Variants in TAF3 observed in about 807,000 individuals in gnomAD.
The protein encoded by TAF3 is TATA-box binding protein associated factor 3, also known as transcription initiation factor TFIID subunit 3.
A neutral mutation model predicts 80.6 loss-of-function variants in TAF3; 7 were observed. The ratio of observed to expected loss-of-function variants is 0.09; its 90% CI spans 0.05 to 0.16. The LOEUF is 0.16. TAF3 is among the 10% of genes least tolerant of loss of function. TAF3 has a pLI of 1.00. For missense variants in TAF3, 921 were observed against 1,140.2 expected (o/e 0.81, Z 2.77); for synonymous variants, 444 against 446.1 (o/e 1.00, Z 0.06).
chr10:7,954,862 T>C lies in TAF3; in HGVS notation c.410-9058T>C, dbSNP rs545214402. ...ATAGTGAGATTCAGAGTGCACTCCA[T>C]AGGTGAATGAGTGAATTAGTTCTAG... On this transcript the variant is annotated intron_variant, in intron 2 of 6. Coordinates refer to ENST00000344293, the MANE Select transcript of TAF3 (RefSeq NM_031923.4). Among the ~76,000 whole-genome samples the C allele has an allele frequency of 5.6e-5, 8 of 142,102 alleles. 1 individual carries two copies. In the South Asian group the frequency reaches 2.0e-3, roughly 35 times the overall value. The allele number at this position is 142,102 out of a possible 152,430, so 93.2% of individuals were successfully genotyped here.
chr10:7,916,548 A>G (rs997784010), intron 2 of TAF3, among the ~76,000 whole-genome samples: 3 of 152,190 alleles, frequency 2.0e-5, no homozygotes, highest in Non-Finnish European at 2.9e-5. Flanking sequence ...CATGTTTAAC[A>G]CATAATTTTC....
chr10:7,864,282 G>A (rs1013442417), intron 2 of TAF3, among the ~76,000 whole-genome samples: 28 of 152,026 alleles, frequency 1.8e-4, no homozygotes, highest in Non-Finnish European at 3.7e-4. Flanking sequence ...TCATTTTATT[G>A]TCTCCATAGT....
At position 7,961,148 on chromosome 10, in the gene TAF3, A is replaced by G. The variant is rs1407393799; in HGVS notation, c.410-2772A>G. Among the ~76,000 whole-genome samples the G allele has an allele frequency of 7.9e-5, 12 of 152,180 alleles. No individual in the cohort carries two copies. The East Asian group carries it at 2.3e-3, about 29-fold the overall frequency. ...GAAGAGGTGCTGAATATTGATATTAACAAGACAGAAGCAGGGGGAAAGCAC... is the reference window on the plus strand; with the variant it reads ...GAAGAGGTGCTGAATATTGATATTAGCAAGACAGAAGCAGGGGGAAAGCAC... On this transcript the variant is annotated intron_variant, in intron 2 of 6. Coordinates refer to ENST00000344293, the MANE Select transcript of TAF3 (RefSeq NM_031923.4).
rs752571712 is a variant in TAF3 at position 7,818,667 on chromosome 10, A to G, written c.-43A>G. 33 of 1,586,226 alleles carry G rather than the reference A, an allele frequency of 2.1e-5. No individual in the cohort carries two copies. The highest frequency in any genetic ancestry group is 2.7e-5 in the Non-Finnish European group (32 of 1,169,552). On this transcript the variant is annotated 5_prime_UTR_variant, in exon 1 of 7. Transcript: ENST00000344293. ...TGCTAAGGTCTGGCGGCGGGGCTGG[A>G]GAGCAGTGGCAGCAAGGGCTGCGGT...
intron 2 of TAF3, among the ~76,000 whole-genome samples, chr10:7,877,743 C>T (rs377469639): frequency 6.6e-6 from 1 of 152,124 alleles, no homozygotes; most frequent in African/African-American, 2.4e-5. Context: ...GTGACTTGGC[C>T]AAGATCTTAA....
intron 2 of TAF3, among the ~76,000 whole-genome samples, chr10:7,936,731 G>A (rs1352233256): frequency 2.6e-5 from 4 of 152,090 alleles, no homozygotes; most frequent in Admixed American, 6.5e-5. Context: ...TCTTGGTGTT[G>A]TACATTCCAT....
At chr10:7,976,335 C>T (rs1831672485) in intron 3 of TAF3, among the ~76,000 whole-genome samples, 2 of 151,800 alleles carry the variant, frequency 1.3e-5, no homozygotes. Context: ...CAACCTCCAC[C>T]TCCTGAGTTC....
intron 1 of TAF3, among the ~76,000 whole-genome samples, chr10:7,820,301 C>T (rs1836678294): frequency 1.3e-5 from 2 of 152,154 alleles, no homozygotes; most frequent in South Asian, 2.1e-4. Flanking sequence ...ATGTCTCTTT[C>T]CCCTCTCCAG....
chr10:7,901,308 T>A (rs1837556624), intron 2 of TAF3, among the ~76,000 whole-genome samples: 1 of 152,224 alleles, frequency 6.6e-6, no homozygotes, highest in Non-Finnish European at 1.5e-5. Context: ...GCCACAGAAG[T>A]AAAGGGTCTT....
At chr10:7,935,760 G>C (rs1837913359) in intron 2 of TAF3, among the ~76,000 whole-genome samples, 1 of 152,094 alleles carries the variant, frequency 6.6e-6, no homozygotes, top group Admixed American at 6.6e-5. Flanking sequence ...ATTCCAAAGA[G>C]AGGAAGCGCA....
intron 2 of TAF3, among the ~76,000 whole-genome samples, chr10:7,895,190 G>A (rs1461204697): frequency 1.3e-5 from 2 of 152,100 alleles, no homozygotes; most frequent in African/African-American, 4.8e-5. Context: ...CAATTTCCTT[G>A]GTAACTTGAT....
At position 8,000,552 on chromosome 10, in the gene TAF3, A is replaced by G. The variant is rs1045321708; in HGVS notation, c.2316-8526A>G. 3.9e-5 allele frequency among the ~76,000 whole-genome samples: 6 copies of G among 152,236 alleles called. No homozygotes were observed. The East Asian group carries it at 7.8e-4, about 20-fold the overall frequency. On this transcript the variant is annotated intron_variant, in intron 4 of 6. Transcript: ENST00000344293. ...GAGGCCGAGATGGGAGGATCACTTG[A>G]GTCCAGGAGTTCCAGACCAGCCTGG... is the stretch of plus-strand genomic sequence containing the variant.
chr10:7,842,151 G>GTTTTTTTTTTTTTTTTTTTT (rs71505465), intron 2 of TAF3, among the ~76,000 whole-genome samples: 5 of 98,746 alleles, frequency 5.1e-5, no homozygotes, highest in Non-Finnish European at 4.3e-5. Context: ...AATTAATATT[G>GTTTTTTTTTTTTTTTTTTTT]TTTTTTTTTT....
intron 4 of TAF3, among the ~76,000 whole-genome samples, chr10:7,987,181 G>A: frequency 6.6e-6 from 1 of 152,130 alleles, no homozygotes; most frequent in Non-Finnish European, 1.5e-5. Context: ...AATTAGCCAG[G>A]TATGGTGGCA....
intron 2 of TAF3, among the ~76,000 whole-genome samples, chr10:7,941,842 G>A (rs1430834653): frequency 6.6e-6 from 1 of 152,134 alleles, no homozygotes; most frequent in Non-Finnish European, 1.5e-5. Context: ...CAGCAACAGA[G>A]GGGAGAGACA....
chr10:7,828,355 A>T (rs1378086625), intron 2 of TAF3, among the ~76,000 whole-genome samples: 1 of 152,214 alleles, frequency 6.6e-6, no homozygotes, highest in Non-Finnish European at 1.5e-5. Flanking sequence ...GAGCTGTGTG[A>T]TTATCCGCAG....
intron 2 of TAF3, among the ~76,000 whole-genome samples, chr10:7,870,903 G>GA (rs1047303224): frequency 1.3e-5 from 2 of 151,732 alleles, no homozygotes; most frequent in Non-Finnish European, 2.9e-5. Context: ...CTTGTAATAT[G>GA]AAAAAAAATT....
chr10:7,928,712 T>C (rs758553752), intron 2 of TAF3, among the ~76,000 whole-genome samples: 15 of 152,216 alleles, frequency 9.9e-5, no homozygotes, highest in Non-Finnish European at 1.9e-4. Flanking sequence ...CTACTCACGA[T>C]GATCTAGGTA....
chr10:7,907,249 C>T (rs1837615573), intron 2 of TAF3, among the ~76,000 whole-genome samples: 1 of 152,062 alleles, frequency 6.6e-6, no homozygotes, highest in African/African-American at 2.4e-5. Flanking sequence ...GAATCACAGC[C>T]CTTCTGCAGG....
Sources: allele counts gnomAD v4.1 joint callset (sites outside exome capture counted in the v4.1 genomes callset), GRCh38; gene constraint gnomAD v4.1.1; transcripts MANE v1.5; gene names NCBI Gene and HGNC (gene_info 2026-07-23, HGNC 2026-07-21).